Variants in PPP6R1 observed in about 807,000 individuals in gnomAD.
PPP6R1 encodes the protein serine/threonine-protein phosphatase 6 regulatory subunit 1.
In PPP6R1, 39 loss-of-function variants were observed where a neutral mutation model predicts 104.6. That is an observed-to-expected ratio of 0.37 (90% CI 0.29 to 0.49). The LOEUF (loss-of-function observed/expected upper bound fraction) is 0.49. PPP6R1 is among the 20% of genes least tolerant of loss of function. PPP6R1 has a pLI of 0.98. For missense variants in PPP6R1, 1,181 were observed against 1,155.8 expected (o/e 1.02, Z -0.32); for synonymous variants, 549 against 479.0 (o/e 1.15, Z -1.91).
At chr19:55,237,180 C>T (rs2087407773) in intron 15 of PPP6R1, among the ~76,000 whole-genome samples, 1 of 152,182 alleles carries the variant, frequency 6.6e-6, no homozygotes, top group African/African-American at 2.4e-5. Flanking sequence ...ACTTTAAATC[C>T]TTAAAACCAC....
At chr19:55,239,154 T>A (rs2122590680) in intron 15 of PPP6R1, 3 of 512,704 alleles carry the variant, frequency 5.9e-6, no homozygotes, top group Middle Eastern at 1.1e-3. Flanking sequence ...ACAGAAGATG[T>A]TTGTGCCCCA....
intron 15 of PPP6R1, among the ~76,000 whole-genome samples, 174 bp from the exon 16 acceptor site, chr19:55,237,144 T>C (rs1332137435): frequency 6.6e-6 from 1 of 152,240 alleles, no homozygotes; most frequent in Non-Finnish European, 1.5e-5. Flanking sequence ...AACGCATACA[T>C]GAATATCAAC....
chr19:55,231,378 C>CA, intron 21 of PPP6R1, 32 bp downstream of exon 21: 1 of 1,552,026 alleles, frequency 6.4e-7, no homozygotes, highest in Non-Finnish European at 8.7e-7. Context: ...AAGACTTCTC[C>CA]CGATACTAGG....
intron 17 of PPP6R1, among the ~76,000 whole-genome samples, chr19:55,233,916 G>A (rs1450536523): frequency 6.6e-6 from 1 of 152,148 alleles, no homozygotes; most frequent in African/African-American, 2.4e-5. Context: ...TCTTTAAAAA[G>A]AAGAACAAGG....
At chr19:55,240,888 G>A in intron 10 of PPP6R1, 57 bp downstream of exon 10, 1 of 1,574,070 alleles carries the variant, frequency 6.4e-7, no homozygotes, top group South Asian at 1.2e-5. Context: ...CCTCTGGAGA[G>A]GGTGCGCCCA....
At chr19:55,249,314 TC>T (rs1042244143) in intron 1 of PPP6R1, among the ~76,000 whole-genome samples, 1 of 152,136 alleles carries the variant, frequency 6.6e-6, no homozygotes, top group African/African-American at 2.4e-5. Flanking sequence ...CAATCTAGGT[TC>T]ACCTCAACCT....
rs1293585788 is a variant in PPP6R1, at chr19:55,245,632, T to C, written c.274A>G (p.Ile92Val). ...TCATCAGCACCCAGGGCATCATTGA[T>C]CTGGGGCACATCTGAGGTCAGAATC... ...CEILTSDVPQ[I>V]NDALGADESL... Residue 92 changes from isoleucine (I) to valine (V), a missense_variant, in exon 3 of 24, where the codon ATC becomes GTC. Physicochemically the swap from Ile to Val is conservative, Grantham distance 29. Around this residue, in one of 2 missense-constraint regions of PPP6R1, gnomAD observed 139 missense variants for 200.1 expected, o/e 0.69. Coordinates refer to ENST00000412770, the MANE Select transcript of PPP6R1 (RefSeq NM_014931.4). The surrounding 1 kb of genome is among the most constrained non-coding windows in gnomAD (Gnocchi z 6.4). 1 of 1,610,608 alleles carries C rather than the reference T, an allele frequency of 6.2e-7. No homozygotes were observed. Among genetic ancestry groups the C allele is most frequent in the Non-Finnish European group, 8.5e-7 (1 of 1,179,736 alleles).
chr19:55,239,146 A>G (rs1419816999), intron 15 of PPP6R1: 1 of 496,256 alleles, frequency 2.0e-6, no homozygotes, highest in Admixed American at 3.3e-5. Flanking sequence ...TCCCCAGCAC[A>G]GAAGATGTTT....
Position 55,245,111 on chromosome 19 carries a change from A to G in PPP6R1, c.618+9T>C, listed in dbSNP as rs944649636. ...AAGGGGAATCCGCAGGGGCATCGGCAGCACTCACATTCTCATCCTTCGACG... is the reference window on the plus strand; with the variant it reads ...AAGGGGAATCCGCAGGGGCATCGGCGGCACTCACATTCTCATCCTTCGACG... On this transcript the variant is annotated intron_variant, in intron 5 of 23. Coordinates refer to ENST00000412770, the MANE Select transcript of PPP6R1 (RefSeq NM_014931.4). The surrounding 1 kb of genome is among the most constrained non-coding windows in gnomAD (Gnocchi z 6.4). The G allele has an allele frequency of 6.2e-7, 1 of 1,613,136 alleles. No individual in the cohort carries two copies. Among genetic ancestry groups the G allele is most frequent in the Non-Finnish European group, 8.5e-7 (1 of 1,179,622 alleles).
At chr19:55,239,208 A>T (rs2087425963) in intron 15 of PPP6R1, 197 bp downstream of exon 15, 2 of 604,594 alleles carry the variant, frequency 3.3e-6, no homozygotes, top group Admixed American at 5.3e-5. Flanking sequence ...GCAGAGCTGG[A>T]ACTCATGTAA....
chr19:55,230,945 T>C, intron 21 of PPP6R1, 61 bp from the exon 22 acceptor site: 1 of 1,373,172 alleles, frequency 7.3e-7, no homozygotes, highest in Non-Finnish European at 1.0e-6. Context: ...GCTGACACCC[T>C]CACATCCCAC....
At position 55,231,767 on chromosome 19, in the gene PPP6R1, C is replaced by A. The variant is rs202212105; in HGVS notation, c.2306+35G>T. ...ATGGCCACCTCCTGGCCTCGGGATACCAGCACCATTTAGCCCGTTCCATCC... is the reference window on the plus strand; with the variant it reads ...ATGGCCACCTCCTGGCCTCGGGATAACAGCACCATTTAGCCCGTTCCATCC... On this transcript the variant is annotated intron_variant, in intron 19 of 23. Transcript: ENST00000412770. The A allele has an allele frequency of 8.7e-6, 13 of 1,493,078 alleles. No homozygotes were observed. In the African/African-American group the frequency reaches 1.4e-4, roughly 16 times the overall value. 92.5% of individuals were successfully genotyped at this position (1,493,078 alleles called of 1,614,324 possible). A position where few individuals can be genotyped will look rare whatever the true frequency, so the allele number is the denominator to read the frequency against.
At chr19:55,239,978 G>A (rs758359752) in intron 12 of PPP6R1, 21 bp downstream of exon 12, 1 of 1,608,572 alleles carries the variant, frequency 6.2e-7, no homozygotes, top group Non-Finnish European at 8.5e-7. Context: ...CTAGCCCTCA[G>A]GCCGGCCTGG....
intron 10 of PPP6R1, 96 bp downstream of exon 10, chr19:55,240,849 A>G: frequency 6.8e-7 from 1 of 1,471,744 alleles, no homozygotes; most frequent in Middle Eastern, 2.4e-4. Context: ...CCCAACAAAC[A>G]CTTGTGGGAG....
At position 55,258,756 on chromosome 19, in the gene PPP6R1, C is replaced by T. The variant is rs565970903; in HGVS notation, c.-328G>A. The T allele has an allele frequency of 2.0e-3, 307 of 151,808 alleles. No individual in the cohort carries two copies. The highest frequency in any genetic ancestry group is 0.013 in the South Asian group (65 of 4,828). 9.4% of individuals were successfully genotyped at this position (151,808 alleles called of 1,614,324 possible). ...GTGCGGGCCGAGGCGGGTTGGCGAG[C>T]CGGGTCGCGAGGCCCACGCAGGCGC... On this transcript the variant is annotated 5_prime_UTR_variant, in exon 1 of 24. Transcript: ENST00000412770.
In PPP6R1 at chr19:55,230,171, G is replaced by T. The variant is rs143043518; in HGVS notation, c.*357C>A. On this transcript the variant is annotated 3_prime_UTR_variant, in exon 24 of 24. Transcript: ENST00000412770. ...CCCTAACACCAGCTCCCGCTGGGAC[G>T]GAACAGGGAAGGCTGTGCTTTGGAG... is the stretch of plus-strand genomic sequence containing the variant. The T allele has an allele frequency of 1.6e-3, 411 of 254,632 alleles. 1 individual carries two copies. Among genetic ancestry groups the T allele is most frequent in the African/African-American group, 8.0e-3 (359 of 44,632 alleles). The allele number at this position is 254,632 out of a possible 1,614,324, so 15.8% of individuals were successfully genotyped here.
rs114484956 is a variant in PPP6R1, at chr19:55,239,272, G to A, written c.1751+133C>T. 12 of 859,118 alleles carry A rather than the reference G, an allele frequency of 1.4e-5. No homozygotes were observed. The Middle Eastern group carries it at 8.1e-4, about 58-fold the overall frequency. 53.2% of individuals were successfully genotyped at this position (859,118 alleles called of 1,614,324 possible). A position where few individuals can be genotyped will look rare whatever the true frequency, so the allele number is the denominator to read the frequency against. On this transcript the variant is annotated intron_variant, in intron 15 of 23. Coordinates refer to ENST00000412770, the MANE Select transcript of PPP6R1 (RefSeq NM_014931.4). ...ACACACACAAGGCCACGGCCAACGC[G>A]TGCCCAGGAGGGGCCACAGCTGCAG...
At position 55,241,739 on chromosome 19, in the gene PPP6R1, C is replaced by T. The variant is rs749712201; in HGVS notation, c.846-100G>A. 30 of 1,365,576 alleles carry T rather than the reference C, an allele frequency of 2.2e-5. No individual in the cohort carries two copies. Among genetic ancestry groups the T allele is most frequent in the Admixed American group, 2.8e-5 (1 of 35,170 alleles). 84.6% of individuals were successfully genotyped at this position (1,365,576 alleles called of 1,614,324 possible). A position where few individuals can be genotyped will look rare whatever the true frequency, so the allele number is the denominator to read the frequency against. On this transcript the variant is annotated intron_variant, in intron 7 of 23. Transcript: ENST00000412770. This position sits in a 1 kb window ranked among gnomAD's most constrained non-coding sequence, Gnocchi z 5.4. ...CACGTCTGCAGGGTCTGGAGGAAAA[C>T]GAGGAGCCACATGCCCCCAGCGCCG...
rs775198390 is a variant in PPP6R1, at chr19:55,240,245, T to C, written c.1352A>G (p.Asp451Gly). The C allele has an allele frequency of 8.2e-6, 13 of 1,591,304 alleles. No individual in the cohort carries two copies. Among genetic ancestry groups the C allele is most frequent in the African/African-American group, 2.7e-5 (2 of 74,244 alleles). Residue 451 changes from aspartate (D) to glycine (G), a missense_variant, in exon 11 of 24, where the codon GAC (aspartate) becomes GGC (glycine). Around this residue, in one of 2 missense-constraint regions of PPP6R1, gnomAD observed 1,042 missense variants for 955.6 expected, o/e 1.09. Coordinates refer to ENST00000412770, the MANE Select transcript of PPP6R1 (RefSeq NM_014931.4). ...ERILTSWEEN[D>G]RVQCAGGPRK... is the part of the protein sequence containing the mutation. ...GGCAGCAGGTGCTCACTGTACACGGTCGTTCTCCTCCCAGGACGTCAGGAT... is the reference window on the plus strand; with the variant it reads ...GGCAGCAGGTGCTCACTGTACACGGCCGTTCTCCTCCCAGGACGTCAGGAT...
Sources: allele counts gnomAD v4.1 joint callset (sites outside exome capture counted in the v4.1 genomes callset), GRCh38; gene constraint gnomAD v4.1.1; regional missense constraint gnomAD v4.1.1; non-coding constraint Gnocchi (gnomAD v3.1); transcripts MANE v1.5; gene names NCBI Gene and HGNC (gene_info 2026-07-23, HGNC 2026-07-21).